The following GMDS variants were observed in gnomAD, a reference collection of about 807,000 sequenced individuals.
The protein encoded by GMDS is GDP-mannose 4,6 dehydratase.
In GMDS, 20 loss-of-function variants were observed where a neutral mutation model predicts 49.9. That is an observed-to-expected ratio of 0.40 (90% CI 0.28 to 0.58). The LOEUF is 0.58. GMDS is among the 20% of genes least tolerant of loss of function. GMDS has a pLI of 0.42. For missense variants in GMDS, 362 were observed against 481.4 expected (o/e 0.75, Z 2.32); for synonymous variants, 177 against 178.6 (o/e 0.99, Z 0.07).
chr6:1,938,729 T>C (rs571852451), intron 6 of GMDS, among the ~76,000 whole-genome samples: 1 of 152,232 alleles, frequency 6.6e-6, no homozygotes, highest in East Asian at 1.9e-4. Flanking sequence ...CAACTATCTC[T>C]TTAGATATTG....
chr6:1,883,767 C>T (rs967345225), intron 7 of GMDS, among the ~76,000 whole-genome samples: 2 of 152,150 alleles, frequency 1.3e-5, no homozygotes, highest in Admixed American at 1.3e-4. Flanking sequence ...GAAAAAGCTT[C>T]ACCATTAAAA....
intron 4 of GMDS, among the ~76,000 whole-genome samples, chr6:2,037,078 A>C (rs1288416841): frequency 6.6e-6 from 1 of 152,182 alleles, no homozygotes; most frequent in East Asian, 1.9e-4. Context: ...TCTCTAATAA[A>C]GGTAACTGCA....
intron 1 of GMDS, among the ~76,000 whole-genome samples, chr6:2,209,733 C>T (rs768388290): frequency 6.6e-6 from 1 of 151,970 alleles, no homozygotes; most frequent in Non-Finnish European, 1.5e-5. Flanking sequence ...AAAAAGGACA[C>T]GTAAGAAAAA....
chr6:1,973,105 C>T (rs1002682834), intron 4 of GMDS, among the ~76,000 whole-genome samples: 1 of 152,150 alleles, frequency 6.6e-6, no homozygotes, highest in Non-Finnish European at 1.5e-5. Flanking sequence ...GATAAATAAG[C>T]TCTCATCAGC....
At chr6:1,631,464 G>A (rs2113153288) in intron 9 of GMDS, among the ~76,000 whole-genome samples, 1 of 152,160 alleles carries the variant, frequency 6.6e-6, no homozygotes. Context: ...CTTCTAGTTT[G>A]TTAGGAAATC....
At chr6:1,785,282 T>G (rs1405839745) in intron 7 of GMDS, among the ~76,000 whole-genome samples, 1 of 152,188 alleles carries the variant, frequency 6.6e-6, no homozygotes, top group Non-Finnish European at 1.5e-5. Context: ...ATCTTCAGCA[T>G]GGAATGTAAA....
chr6:1,788,632 C>A (rs1769411067), intron 7 of GMDS, among the ~76,000 whole-genome samples: 1 of 152,142 alleles, frequency 6.6e-6, no homozygotes. Context: ...TTTTCACAAA[C>A]CTCTAATTTA....
At chr6:2,223,467 T>TG (rs1437250853) in intron 1 of GMDS, among the ~76,000 whole-genome samples, 1 of 96,142 alleles carries the variant, frequency 1.0e-5, no homozygotes, top group Non-Finnish European at 1.8e-5. Flanking sequence ...AGCAAATGAA[T>TG]GGAAAAAAAA....
In GMDS at chr6:1,899,000, G is replaced by A. The variant is rs560333760; in HGVS notation, c.771+31103C>T. Among the ~76,000 whole-genome samples, 9 of 152,342 alleles carry A rather than the reference G, an allele frequency of 5.9e-5. No individual in the cohort carries two copies. The South Asian group carries it at 6.2e-4, about 11-fold the overall frequency. On this transcript the variant is annotated intron_variant, in intron 7 of 10. Coordinates refer to ENST00000380815, the MANE Select transcript of GMDS (RefSeq NM_001500.4). ...GAAATGAAATAATGTACATAACAGT[G>A]CTTCATGAGCTTTCGCCTGCCTTAT...
At chr6:1,973,689 A>C (rs1268708505) in intron 4 of GMDS, among the ~76,000 whole-genome samples, 2 of 152,336 alleles carry the variant, frequency 1.3e-5, no homozygotes, top group Non-Finnish European at 2.9e-5. Context: ...CCTTTTATGA[A>C]TACTATAATT....
rs75705602 is a variant in GMDS at position 1,704,344 on chromosome 6, G to C, written c.987+22072C>G. ...GCCTGAGGAATGCACAGGAAACCAG[G>C]TTCTGGGCACTCTGAGGCTGGCAGA... On this transcript the variant is annotated intron_variant, in intron 9 of 10. Transcript: ENST00000380815. 1.5e-3 allele frequency among the ~76,000 whole-genome samples: 226 copies of C among 152,008 alleles called. 1 individual carries two copies. Among genetic ancestry groups the C allele is most frequent in the African/African-American group, 5.2e-3 (217 of 41,450 alleles).
chr6:1,905,483 G>A (rs34022513), intron 7 of GMDS, among the ~76,000 whole-genome samples: 39 of 140,272 alleles, frequency 2.8e-4, no homozygotes, highest in African/African-American at 1.0e-3. Flanking sequence ...CCTAAAAGGT[G>A]CCTGTGCATC....
At chr6:2,063,096 T>C (rs1217434671) in intron 4 of GMDS, among the ~76,000 whole-genome samples, 1 of 152,256 alleles carries the variant, frequency 6.6e-6, no homozygotes, top group Non-Finnish European at 1.5e-5. Flanking sequence ...GGTTTCTGTT[T>C]GTCTGCTTCA....
chr6:2,056,758 C>T (rs1344517968), intron 4 of GMDS, among the ~76,000 whole-genome samples: 1 of 152,192 alleles, frequency 6.6e-6, no homozygotes, highest in African/African-American at 2.4e-5. Context: ...ACCAACCAAT[C>T]TTGTTTTAGA....
chr6:2,129,637 T>G (rs1258514934), intron 1 of GMDS, among the ~76,000 whole-genome samples: 2 of 152,212 alleles, frequency 1.3e-5, no homozygotes, highest in Non-Finnish European at 2.9e-5. Flanking sequence ...CCTTTTTATG[T>G]TCTTTAACTC....
chr6:1,978,191 C>T (rs1765020530), intron 4 of GMDS, among the ~76,000 whole-genome samples: 1 of 152,158 alleles, frequency 6.6e-6, no homozygotes, highest in African/African-American at 2.4e-5. Flanking sequence ...AAGGGTCCCC[C>T]CAGCAGTGAA....
chr6:1,643,651 T>TG (rs936075643), intron 9 of GMDS, among the ~76,000 whole-genome samples: 8 of 151,756 alleles, frequency 5.3e-5, no homozygotes, highest in African/African-American at 1.7e-4. Context: ...TGGGCCACGG[T>TG]GGGGGGGACA....
chr6:1,836,616 C>A lies in GMDS; in HGVS notation c.771+93487G>T, dbSNP rs1431147370. ...ATCAGTTTGCAGAAAAATATTCTTA[C>A]GAAAATAGTCCATAAAAGGGAGATT... On this transcript the variant is annotated intron_variant, in intron 7 of 10. Transcript: ENST00000380815. This position sits in a 1 kb window ranked among gnomAD's most constrained non-coding sequence, Gnocchi z 4.2. Among the ~76,000 whole-genome samples the A allele has an allele frequency of 1.3e-5, 2 of 152,142 alleles. No homozygotes were observed. Among genetic ancestry groups the A allele is most frequent in the Non-Finnish European group, 2.9e-5 (2 of 68,020 alleles).
intron 7 of GMDS, among the ~76,000 whole-genome samples, chr6:1,777,934 A>G (rs1768906997): frequency 6.6e-6 from 1 of 152,224 alleles, no homozygotes; most frequent in Non-Finnish European, 1.5e-5. Flanking sequence ...TACACCCCAA[A>G]TAAAGGTGAA....
Sources: gnomAD v4.1 joint callset for allele counts (sites outside exome capture counted in the v4.1 genomes callset) on GRCh38, gnomAD v4.1.1 for gene constraint, Gnocchi (gnomAD v3.1) non-coding constraint, MANE v1.5 for transcripts, NCBI Gene and HGNC (gene_info 2026-07-23, HGNC 2026-07-21) for gene names.